DIS3L2: variants seen among roughly 807,000 people sequenced by gnomAD.
DIS3L2 encodes DIS3-like exonuclease 2.
A neutral mutation model predicts 97.5 loss-of-function variants in DIS3L2; 34 were observed. The observed-to-expected ratio is 0.35, with a 90% confidence interval of 0.27 to 0.46. The LOEUF is 0.46. DIS3L2 is among the 20% of genes least tolerant of loss of function. DIS3L2 has a pLI of 1.00. For missense variants in DIS3L2, 1,038 were observed against 1,146.0 expected, an observed-to-expected ratio of 0.91 and a Z score of 1.36; for synonymous variants, 435 against 445.2, an observed-to-expected ratio of 0.98 and a Z score of 0.29.
intron 10 of DIS3L2, among the ~76,000 whole-genome samples, chr2:232,227,290 G>A (rs1303382039): frequency 6.6e-6 from 1 of 152,188 alleles, no homozygotes; most frequent in African/African-American, 2.4e-5. Flanking sequence ...AGTTTGTCAA[G>A]AACCCGATGC....
At chr2:232,144,533 A>G (rs1319936051) in intron 8 of DIS3L2, among the ~76,000 whole-genome samples, 2 of 152,108 alleles carry the variant, frequency 1.3e-5, no homozygotes, top group African/African-American at 2.4e-5. Flanking sequence ...GCAAAAATGG[A>G]ACAGAGAGTT....
chr2:232,022,715 A>G (rs548100655), intron 3 of DIS3L2, among the ~76,000 whole-genome samples: 1 of 152,238 alleles, frequency 6.6e-6, no homozygotes, highest in South Asian at 2.1e-4. Flanking sequence ...GATGGTAGAG[A>G]CTGTCTGTTG....
At chr2:232,221,101 CAAAAAAAA>C (rs373784144) in intron 10 of DIS3L2, among the ~76,000 whole-genome samples, 10 of 97,576 alleles carry the variant, frequency 1.0e-4, no homozygotes, top group African/African-American at 3.7e-4. Flanking sequence ...GACTTCATCT[CAAAAAAAA>C]AAAAAAAAAA....
At chr2:232,218,695 T>G (rs193147390) in intron 10 of DIS3L2, among the ~76,000 whole-genome samples, 201 of 152,366 alleles carry the variant, frequency 1.3e-3, no homozygotes, top group African/African-American at 4.6e-3. Context: ...AATCTTGGAA[T>G]CACATTTGAT....
chr2:232,302,852 G>A (rs71421633), intron 14 of DIS3L2, among the ~76,000 whole-genome samples: 20,389 of 151,904 alleles, frequency 0.13, 1,916 homozygotes, highest in South Asian at 0.36. Context: ...GAGCCACCAC[G>A]CCCGGCCTGA....
intron 11 of DIS3L2, among the ~76,000 whole-genome samples, chr2:232,240,976 C>T (rs1055157293): frequency 2.0e-5 from 3 of 152,196 alleles, no homozygotes; most frequent in African/African-American, 7.2e-5. Flanking sequence ...CTCTGTGGGA[C>T]TACAGAGTTG....
chr2:232,236,041 G>A (rs965416185), intron 10 of DIS3L2, among the ~76,000 whole-genome samples: 1 of 152,196 alleles, frequency 6.6e-6, no homozygotes, highest in African/African-American at 2.4e-5. Flanking sequence ...GTGGACTTAA[G>A]TATTCCTTTA....
chr2:232,011,977 T>G (rs181785972), intron 1 of DIS3L2, among the ~76,000 whole-genome samples: 1 of 152,220 alleles, frequency 6.6e-6, no homozygotes, highest in African/African-American at 2.4e-5. Context: ...CTACTTAGCA[T>G]TTTATATACT....
chr2:232,003,836 C>T (rs374381347), intron 1 of DIS3L2, among the ~76,000 whole-genome samples: 4 of 152,054 alleles, frequency 2.6e-5, no homozygotes, highest in East Asian at 1.9e-4. Flanking sequence ...AAATGTTGTT[C>T]TGTTTGAGGT....
intron 8 of DIS3L2, among the ~76,000 whole-genome samples, chr2:232,142,669 G>A (rs114960749): frequency 2.5e-3 from 385 of 152,122 alleles, no homozygotes; most frequent in African/African-American, 8.7e-3. Context: ...TAAAAACACC[G>A]TTCCTGAAGT....
rs1274927583 is a variant in DIS3L2 at position 232,330,711 on chromosome 2, G to A, written c.1945G>A (p.Gly649Arg). ...CTAGAAAAGCCTGACCCAAACATTT[G>A]GAGATGACAAGTACTCACTGGCCCG... The part of the protein sequence containing the change: ...ALNKSLTQTF[G>R]DDKYSLARKE... Residue 649 changes from glycine (G) to arginine (R), a missense_variant, in exon 16 of 21, where the codon GGA (glycine) becomes AGA (arginine). Physicochemically the swap from Gly to Arg is moderately radical, Grantham distance 125. Transcript: ENST00000325385. The A allele has an allele frequency of 2.5e-6, 4 of 1,613,850 alleles. No homozygotes were observed. The highest frequency in any genetic ancestry group is 2.5e-6 in the Non-Finnish European group (3 of 1,180,032).
At chr2:232,049,984 G>A (rs572622322) in intron 5 of DIS3L2, among the ~76,000 whole-genome samples, 1 of 152,074 alleles carries the variant, frequency 6.6e-6, no homozygotes, top group East Asian at 1.9e-4. Flanking sequence ...CAGACTTTTT[G>A]GACTCAGTGT....
chr2:231,995,859 C>A (rs1206343890), intron 1 of DIS3L2, among the ~76,000 whole-genome samples: 1 of 152,206 alleles, frequency 6.6e-6, no homozygotes, highest in African/African-American at 2.4e-5. Context: ...TGACACACAG[C>A]TTCCAAACCA....
At chr2:231,976,301 C>T (rs1461388724) in intron 1 of DIS3L2, among the ~76,000 whole-genome samples, 5 of 152,028 alleles carry the variant, frequency 3.3e-5, no homozygotes, top group Admixed American at 2.6e-4. Flanking sequence ...CTTCTGATGG[C>T]GTTGCATTCC....
intron 8 of DIS3L2, among the ~76,000 whole-genome samples, chr2:232,142,139 G>A (rs189976365): frequency 6.6e-6 from 1 of 151,838 alleles, no homozygotes; most frequent in South Asian, 2.1e-4. Context: ...CGCATTACCA[G>A]ATCTATAGAG....
chr2:231,998,797 G>T (rs978328728), intron 1 of DIS3L2, among the ~76,000 whole-genome samples: 3 of 152,142 alleles, frequency 2.0e-5, no homozygotes, highest in Admixed American at 2.0e-4. Flanking sequence ...TTGCGATACT[G>T]CTGTAAGGAA....
At chr2:232,009,078 T>G (rs1247116855) in intron 1 of DIS3L2, among the ~76,000 whole-genome samples, 1 of 152,162 alleles carries the variant, frequency 6.6e-6, no homozygotes, top group Non-Finnish European at 1.5e-5. Flanking sequence ...AATTTCTCTT[T>G]GTTAATATTC....
intron 14 of DIS3L2, among the ~76,000 whole-genome samples, chr2:232,315,789 A>T (rs1218221771): frequency 6.6e-6 from 1 of 152,170 alleles, no homozygotes; most frequent in Non-Finnish European, 1.5e-5. Flanking sequence ...ATGCCCACTG[A>T]ATTAAGCAAG....
intron 6 of DIS3L2, among the ~76,000 whole-genome samples, chr2:232,125,841 C>G (rs945422558): frequency 2.6e-5 from 4 of 152,178 alleles, no homozygotes; most frequent in Non-Finnish European, 4.4e-5. Context: ...TACCTTGCCC[C>G]TGTGAGGACT....
Sources: gnomAD v4.1 joint callset for allele counts (sites outside exome capture counted in the v4.1 genomes callset) on GRCh38, gnomAD v4.1.1 for gene constraint, MANE v1.5 for transcripts, NCBI Gene and HGNC (gene_info 2026-07-23, HGNC 2026-07-21) for gene names.